PARM1: variants seen among roughly 807,000 people sequenced by gnomAD.
PARM1 encodes prostate androgen-regulated mucin-like protein 1.
A neutral mutation model predicts 24.6 loss-of-function variants in PARM1; 14 were observed. The observed-to-expected ratio is 0.57, with a 90% CI of 0.38 to 0.89. The LOEUF (loss-of-function observed/expected upper bound fraction) is 0.89, where lower values mean the gene tolerates loss of function less well. Ranked by LOEUF, PARM1 falls within the 40% of genes least tolerant of loss-of-function variation. The probability of loss-of-function intolerance (pLI) is 0.00; values close to 1 mark genes in which losing one functional copy is unlikely to be tolerated. For missense variants in PARM1, 362 were observed against 380.4 expected, an observed-to-expected ratio of 0.95 and a Z score of 0.40; for synonymous variants, 179 against 156.6, an observed-to-expected ratio of 1.14 and a Z score of -1.07.
At chr4:74,974,763 A>C (rs72860946) in intron 1 of PARM1, among the ~76,000 whole-genome samples, 4,173 of 152,268 alleles carry the variant, frequency 0.027, 85 homozygotes, top group South Asian at 0.076. Flanking sequence ...TAAGGCTTTC[A>C]GAAGTAATTA....
At chr4:74,948,917 G>A (rs1218854763) in intron 1 of PARM1, among the ~76,000 whole-genome samples, 1 of 152,106 alleles carries the variant, frequency 6.6e-6, no homozygotes. Context: ...AGCTACTTGG[G>A]AGGCTGAGGC....
intron 1 of PARM1, chr4:74,970,138 A>G (rs772145882): frequency 6.6e-5 from 10 of 152,264 alleles, no homozygotes; most frequent in Non-Finnish European, 1.2e-4. Flanking sequence ...GCTTATCTTC[A>G]TATGAAGAAT....
rs550608033 is a variant in PARM1 at position 74,964,784 on chromosome 4, A to G, written c.43+31414A>G. Among the ~76,000 whole-genome samples the G allele has an allele frequency of 5.3e-5, 8 of 152,326 alleles. No homozygotes were observed. In the East Asian group the frequency reaches 1.5e-3, roughly 29 times the overall value. ...TGTTGAATTAAAACATAAGTAAATAAAAGAAAAACTCTATTAATAGGTAGT... is the reference window on the plus strand; with the variant it reads ...TGTTGAATTAAAACATAAGTAAATAGAAGAAAAACTCTATTAATAGGTAGT... On this transcript the variant is annotated intron_variant, in intron 1 of 3. Coordinates refer to ENST00000307428, the MANE Select transcript of PARM1 (RefSeq NM_015393.4).
At chr4:74,982,316 G>C (rs891254133) in intron 1 of PARM1, among the ~76,000 whole-genome samples, 1 of 152,146 alleles carries the variant, frequency 6.6e-6, no homozygotes, top group Non-Finnish European at 1.5e-5. Flanking sequence ...AAAGAGGAGG[G>C]AGAGCATCAG....
chr4:74,981,747 C>T (rs550457765), intron 1 of PARM1, among the ~76,000 whole-genome samples: 1 of 151,946 alleles, frequency 6.6e-6, no homozygotes, highest in South Asian at 2.1e-4. Context: ...CAGTGGAAGG[C>T]GCCTGTAATC....
chr4:75,047,057 G>C lies in PARM1; in HGVS notation c.*810G>C, dbSNP rs1463185953. 1 of 152,486 alleles carries C rather than the reference G, an allele frequency of 6.6e-6. No individual in the cohort carries two copies. Among genetic ancestry groups the C allele is most frequent in the African/African-American group, 2.4e-5 (1 of 41,458 alleles). 9.4% of individuals were successfully genotyped at this position (152,486 alleles called of 1,614,324 possible). A position where few individuals can be genotyped will look rare whatever the true frequency, so the allele number is the denominator to read the frequency against. On this transcript the variant is annotated 3_prime_UTR_variant, in exon 4 of 4. Transcript: ENST00000307428. ...GATGAGCTGAGTTATAGAGAGAAAG[G>C]GAGAGGCATGTACGGTGTGGGGAAG... is the stretch of plus-strand genomic sequence containing the variant.
chr4:74,968,425 C>T (rs1175550877), intron 1 of PARM1, among the ~76,000 whole-genome samples: 1 of 152,222 alleles, frequency 6.6e-6, no homozygotes, highest in African/African-American at 2.4e-5. Flanking sequence ...TATAAGGATG[C>T]TGTAGTCTCT....
chr4:74,947,844 A>T (rs1033991533), intron 1 of PARM1, among the ~76,000 whole-genome samples: 17 of 152,196 alleles, frequency 1.1e-4, no homozygotes, highest in African/African-American at 4.1e-4. Flanking sequence ...AGTCCTCTAG[A>T]CCTCCTAGTT....
intron 1 of PARM1, among the ~76,000 whole-genome samples, chr4:74,938,135 G>A (rs183862159): frequency 8.5e-5 from 13 of 152,208 alleles, no homozygotes; most frequent in African/African-American, 1.7e-4. Flanking sequence ...AATAATTGCC[G>A]TATCTCTAAT....
chr4:74,990,146 C>A (rs1288581821), intron 1 of PARM1, among the ~76,000 whole-genome samples: 1 of 152,078 alleles, frequency 6.6e-6, no homozygotes, highest in Admixed American at 6.6e-5. Context: ...AGATGAAAGG[C>A]ACCATTAATG....
chr4:75,048,446 C>T lies in PARM1; in HGVS notation c.*2199C>T, dbSNP rs1251962841. ...TTGAGTAACTGTCTCTCTTTCCCCA[C>T]CCCCATCACAGGGCTTTCAGTTTGG... On this transcript the variant is annotated 3_prime_UTR_variant, in exon 4 of 4. Transcript: ENST00000307428. 6.6e-6 allele frequency: 1 copy of T among 152,212 alleles called. No homozygotes were observed. The allele number at this position is 152,212 out of a possible 1,614,324, so 9.4% of individuals were successfully genotyped here.
intron 1 of PARM1, among the ~76,000 whole-genome samples, chr4:74,995,133 C>T (rs940720967): frequency 6.6e-6 from 1 of 152,096 alleles, no homozygotes; most frequent in African/African-American, 2.4e-5. Context: ...TATGACCAGG[C>T]TGGGGAAGTG....
intron 2 of PARM1, among the ~76,000 whole-genome samples, chr4:75,020,025 A>G (rs1434120796): frequency 1.5e-5 from 2 of 132,996 alleles, no homozygotes; most frequent in Non-Finnish European, 3.0e-5. Context: ...AAAAAAAAAA[A>G]AAAAAAAAAA....
intron 1 of PARM1, among the ~76,000 whole-genome samples, chr4:74,990,196 A>G (rs1722438950): frequency 6.6e-6 from 1 of 152,152 alleles, no homozygotes; most frequent in African/African-American, 2.4e-5. Context: ...TTGGCAGGGA[A>G]GATGCATTTT....
intron 1 of PARM1, among the ~76,000 whole-genome samples, chr4:75,007,088 A>G (rs1722787385): frequency 6.6e-6 from 1 of 152,242 alleles, no homozygotes; most frequent in South Asian, 2.1e-4. Flanking sequence ...ACTTCTCAAA[A>G]GAAGACATTT....
chr4:74,951,834 T>A (rs1721530959), intron 1 of PARM1, among the ~76,000 whole-genome samples: 1 of 152,210 alleles, frequency 6.6e-6, no homozygotes, highest in South Asian at 2.1e-4. Context: ...ATCCAGTCTA[T>A]CATGGATGAG....
chr4:74,950,947 A>G (rs2109984628), intron 1 of PARM1, among the ~76,000 whole-genome samples: 1 of 152,282 alleles, frequency 6.6e-6, no homozygotes, highest in South Asian at 2.1e-4. Flanking sequence ...AAATCAGGAA[A>G]AAGAAAAGGA....
intron 1 of PARM1, among the ~76,000 whole-genome samples, chr4:75,006,028 A>G (rs555911216): frequency 1.3e-5 from 2 of 152,350 alleles, no homozygotes; most frequent in East Asian, 3.9e-4. Context: ...TAACTGAGAA[A>G]GTAATGGGTT....
At chr4:74,969,015 T>C (rs1721967281) in intron 1 of PARM1, among the ~76,000 whole-genome samples, 1 of 152,180 alleles carries the variant, frequency 6.6e-6, no homozygotes, top group South Asian at 2.1e-4. Flanking sequence ...GGAAATAACC[T>C]TCTGACAGAG....
Sources: gnomAD v4.1 joint callset for allele counts (sites outside exome capture counted in the v4.1 genomes callset) on GRCh38, gnomAD v4.1.1 for gene constraint, MANE v1.5 for transcripts, NCBI Gene and HGNC (gene_info 2026-07-23, HGNC 2026-07-21) for gene names.